Variants in RIPOR3 observed in about 807,000 individuals in gnomAD.
RIPOR3 encodes the protein RIPOR family member 3.
RIPOR3 carries 95 observed loss-of-function variants against 114.3 expected under a neutral mutation model. The ratio of observed to expected loss-of-function variants is 0.83; its 90% CI spans 0.70 to 0.99. The LOEUF is 0.99. Among genes scored for constraint, RIPOR3 ranks in the 50% least tolerant of loss-of-function variants. The pLI is 0.00. For missense variants in RIPOR3, 1,252 were observed against 1,266.9 expected (o/e 0.99, Z 0.18); for synonymous variants, 575 against 543.8 (o/e 1.06, Z -0.80).
At position 50,685,677 on chromosome 20, in the gene RIPOR3, C is replaced by T. The variant is rs548447035; in HGVS notation, c.3+5449G>A. On this transcript the variant is annotated intron_variant, in intron 1 of 21. Transcript: ENST00000327979. ...CCGTCTCTACTAAAAATACAGAAAT[C>T]AGGCATGGTGGCATGTGCCTGTAAT... Among the ~76,000 whole-genome samples the T allele has an allele frequency of 3.3e-5, 5 of 151,432 alleles. No individual in the cohort carries two copies. The South Asian group carries it at 6.3e-4, about 19-fold the overall frequency.
chr20:50,632,074 CT>C (rs2084837995), intron 1 of RIPOR3, among the ~76,000 whole-genome samples: 1 of 152,142 alleles, frequency 6.6e-6, no homozygotes, highest in African/African-American at 2.4e-5. Flanking sequence ...GGGTCTCTGC[CT>C]GGAAAAACTT....
chr20:50,645,201 C>T (rs977710109), intron 1 of RIPOR3, among the ~76,000 whole-genome samples: 2 of 152,200 alleles, frequency 1.3e-5, no homozygotes, highest in Admixed American at 6.5e-5. Context: ...CCAGAGAGGC[C>T]TTGTTCTGTG....
At chr20:50,599,182 C>T (rs2904273) in intron 13 of RIPOR3, among the ~76,000 whole-genome samples, 1 of 151,812 alleles carries the variant, frequency 6.6e-6, no homozygotes, top group African/African-American at 2.4e-5. Context: ...ACCTGATGTC[C>T]GGAGTTCAAG....
Position 50,609,641 on chromosome 20 carries a change from A to G in RIPOR3, c.508T>C (p.Cys170Arg). 7.1e-7 allele frequency: 1 copy of G among 1,399,954 alleles called. No individual in the cohort carries two copies. Among genetic ancestry groups the G allele is most frequent in the Non-Finnish European group, 9.3e-7 (1 of 1,080,168 alleles). The allele number at this position is 1,399,954 out of a possible 1,614,324, so 86.7% of individuals were successfully genotyped here. ...TCTCGGGCTGCGCGGCTCGGGGGGCACCGGGCGAAGGCCCGCTGCATGCTG... is the reference window on the plus strand; with the variant it reads ...TCTCGGGCTGCGCGGCTCGGGGGGCGCCGGGCGAAGGCCCGCTGCATGCTG... ...ASSMQRAFARCPPSRAARESL... is the reference protein window; with the variant it reads ...ASSMQRAFARRPPSRAARESL... Residue 170 changes from cysteine to arginine, a missense_variant, in exon 7 of 22, where the codon TGC becomes CGC. By Grantham distance (180) the Cys-to-Arg change is radical. Transcript: ENST00000327979.
At position 50,586,957 on chromosome 20, in the gene RIPOR3, G is replaced by T. The variant is rs1285001913; in HGVS notation, c.*275C>A. 7.7e-6 allele frequency: 3 copies of T among 388,742 alleles called. No individual in the cohort carries two copies. The highest frequency in any genetic ancestry group is 1.4e-5 in the Non-Finnish European group (3 of 212,250). The allele number at this position is 388,742 out of a possible 1,614,324, so 24.1% of individuals were successfully genotyped here. A position where few individuals can be genotyped will look rare whatever the true frequency, so the allele number is the denominator to read the frequency against. On this transcript the variant is annotated 3_prime_UTR_variant, in exon 22 of 22. Coordinates refer to ENST00000327979, the MANE Select transcript of RIPOR3 (RefSeq NM_001290268.2). ...GTTTGGCTCAGCTCTGCATCTCGGG[G>T]AAGGTCACACAGACCCTCAGCCAGA...
chr20:50,624,664 G>C (rs2084551535), intron 2 of RIPOR3, among the ~76,000 whole-genome samples: 2 of 152,218 alleles, frequency 1.3e-5, no homozygotes. Context: ...AGAGCCTCTG[G>C]GGCCGGATGT....
chr20:50,656,230 C>T (rs2085809189), intron 1 of RIPOR3, among the ~76,000 whole-genome samples: 1 of 151,090 alleles, frequency 6.6e-6, no homozygotes, highest in South Asian at 2.1e-4. Flanking sequence ...CTGTCCTTTC[C>T]TTTTCTACTC....
At chr20:50,618,140 G>A (rs1403211914) in intron 3 of RIPOR3, among the ~76,000 whole-genome samples, 2 of 151,776 alleles carry the variant, frequency 1.3e-5, no homozygotes, top group African/African-American at 4.8e-5. Context: ...GGTGGCAGAT[G>A]CCTGTAGTCC....
At chr20:50,672,999 G>A (rs1600744459) in intron 1 of RIPOR3, among the ~76,000 whole-genome samples, 1 of 152,308 alleles carries the variant, frequency 6.6e-6, no homozygotes, top group South Asian at 2.1e-4. Flanking sequence ...GCCCAAGCTG[G>A]GTGGCAACCA....
intron 1 of RIPOR3, among the ~76,000 whole-genome samples, chr20:50,677,286 C>T (rs1283738080): frequency 1.3e-5 from 2 of 151,880 alleles, no homozygotes; most frequent in African/African-American, 4.8e-5. Context: ...AGGGTCCAAA[C>T]CCATTTGCAT....
At chr20:50,595,336 T>TAGGCAGCCCCTGGGTGGC in intron 16 of RIPOR3, 33 bp downstream of exon 16, 1 of 1,605,200 alleles carries the variant, frequency 6.2e-7, no homozygotes, top group African/African-American at 1.3e-5. Flanking sequence ...GCCGCTCACA[T>TAGGCAGCCCCTGGGTGGC]AGGCAGCCCC....
chr20:50,691,052 A>G, intron 1 of RIPOR3, 74 bp downstream of exon 1: 1 of 1,288,614 alleles, frequency 7.8e-7, no homozygotes, highest in Non-Finnish European at 1.0e-6. Context: ...TCCTCCTGTC[A>G]CCCCCAGCTC....
At chr20:50,605,660 C>A (rs528615742) in intron 11 of RIPOR3, among the ~76,000 whole-genome samples, 1 of 152,040 alleles carries the variant, frequency 6.6e-6, no homozygotes, top group Admixed American at 6.5e-5. Context: ...CACTTGTAGT[C>A]CCAGCTACTC....
chr20:50,649,689 C>T (rs938164022), intron 1 of RIPOR3, among the ~76,000 whole-genome samples: 11 of 151,696 alleles, frequency 7.3e-5, no homozygotes, highest in African/African-American at 1.7e-4. Flanking sequence ...AGGTGAGGTT[C>T]GCTCAGCCCA....
chr20:50,602,774 G>A lies in RIPOR3; in HGVS notation c.1087-130C>T. On this transcript the variant is annotated intron_variant, in intron 12 of 21. Coordinates refer to ENST00000327979, the MANE Select transcript of RIPOR3 (RefSeq NM_001290268.2). The surrounding 1 kb of genome is among the most constrained non-coding windows in gnomAD (Gnocchi z 4.3). ...CTCAGGATGACTGAGGCCTGCCGAG[G>A]TGACCAGCATCCCAGAGGTGCAGAA... The A allele has an allele frequency of 3.3e-6, 2 of 603,702 alleles. No individual in the cohort carries two copies. The highest frequency in any genetic ancestry group is 4.0e-5 in the Admixed American group (1 of 24,750). The allele number at this position is 603,702 out of a possible 1,614,324, so 37.4% of individuals were successfully genotyped here.
At chr20:50,589,137 CAAAA>C (rs2083028625) in intron 20 of RIPOR3, among the ~76,000 whole-genome samples, 1 of 137,568 alleles carries the variant, frequency 7.3e-6, no homozygotes, top group Non-Finnish European at 1.5e-5. Flanking sequence ...CAGTCTAACA[CAAAA>C]TGTTCTTATT....
intron 1 of RIPOR3, among the ~76,000 whole-genome samples, chr20:50,681,463 A>G (rs929500255): frequency 2.0e-5 from 3 of 152,146 alleles, no homozygotes; most frequent in Admixed American, 6.6e-5. Flanking sequence ...ACTGAAAGGC[A>G]GCATAAACCT....
chr20:50,629,873 T>C (rs888970452), intron 2 of RIPOR3, among the ~76,000 whole-genome samples: 2 of 152,160 alleles, frequency 1.3e-5, no homozygotes, highest in Non-Finnish European at 2.9e-5. Context: ...ACCCCGCCCG[T>C]GGAAGACCCA....
intron 1 of RIPOR3, among the ~76,000 whole-genome samples, chr20:50,657,878 C>G: frequency 6.6e-6 from 1 of 151,058 alleles, no homozygotes; most frequent in East Asian, 2.0e-4. Context: ...ATCAGCCTCT[C>G]TCTTAAGTAG....
Sources: gnomAD v4.1 joint callset for allele counts (sites outside exome capture counted in the v4.1 genomes callset) on GRCh38, gnomAD v4.1.1 for gene constraint, Gnocchi (gnomAD v3.1) non-coding constraint, MANE v1.5 for transcripts, NCBI Gene and HGNC (gene_info 2026-07-23, HGNC 2026-07-21) for gene names.